The following FAM193A variants were observed in gnomAD, a reference collection of about 807,000 sequenced individuals.
FAM193A encodes the protein protein FAM193A.
FAM193A carries 22 observed loss-of-function variants against 126.5 expected under a neutral mutation model. The observed-to-expected ratio is 0.17, with a 90% confidence interval of 0.12 to 0.25. The LOEUF is 0.25. Among genes scored for constraint, FAM193A ranks in the 10% least tolerant of loss-of-function variants. The probability of loss-of-function intolerance (pLI) is 1.00; values close to 1 mark genes in which losing one functional copy is unlikely to be tolerated. For synonymous variants in FAM193A, 761 were observed against 646.8 expected (o/e 1.18, Z -2.68); for missense variants, 1,675 against 1,672.8 (o/e 1.00, Z -0.02).
intron 1 of FAM193A, among the ~76,000 whole-genome samples, chr4:2,574,784 AAAAG>A (rs1739491256): frequency 6.6e-6 from 1 of 152,230 alleles, no homozygotes; most frequent in African/African-American, 2.4e-5. Context: ...AAATTAATTA[AAAAG>A]AAACATTTAA....
intron 1 of FAM193A, among the ~76,000 whole-genome samples, chr4:2,570,941 C>CGAAG (rs1389363191): frequency 6.6e-6 from 1 of 152,192 alleles, no homozygotes; most frequent in African/African-American, 2.4e-5. Flanking sequence ...CCGTACACTT[C>CGAAG]CTCCCCTACC....
At position 2,590,497 on chromosome 4, in the gene FAM193A, A is replaced by C. The variant is rs1247977944; in HGVS notation, c.256-5587A>C. On this transcript the variant is annotated intron_variant, in intron 1 of 20. Transcript: ENST00000637812. The stretch of plus-strand genomic sequence containing the variant: ...AAAACAAAAAAAAACAAAAAAAAAC[A>C]AAAAAAAACAAAAAAAAAACAAAAC... 1.3e-4 allele frequency among the ~76,000 whole-genome samples: 10 copies of C among 76,144 alleles called. 2 individuals are homozygous for C. Among genetic ancestry groups the C allele is most frequent in the Non-Finnish European group, 2.5e-4 (10 of 40,328 alleles). 50.0% of individuals were successfully genotyped at this position (76,144 alleles called of 152,430 possible). A position where few individuals can be genotyped will look rare whatever the true frequency, so the allele number is the denominator to read the frequency against.
At chr4:2,603,209 G>A (rs1741315668) in intron 2 of FAM193A, among the ~76,000 whole-genome samples, 1 of 149,460 alleles carries the variant, frequency 6.7e-6, no homozygotes, top group Non-Finnish European at 1.5e-5. Flanking sequence ...TAGCCAGGAT[G>A]GTCTCAGTCT....
At chr4:2,547,329 G>T (rs1216474249) in intron 1 of FAM193A, among the ~76,000 whole-genome samples, 1 of 152,090 alleles carries the variant, frequency 6.6e-6, no homozygotes, top group Non-Finnish European at 1.5e-5. Flanking sequence ...GGAGGTGAAG[G>T]TTGCTATGAG....
chr4:2,661,218 A>T (rs1315883506), intron 10 of FAM193A, among the ~76,000 whole-genome samples: 1 of 152,200 alleles, frequency 6.6e-6, no homozygotes, highest in African/African-American at 2.4e-5. Context: ...CTGGGCCTTC[A>T]GCAGCTTGTG....
intron 13 of FAM193A, among the ~76,000 whole-genome samples, chr4:2,680,832 G>A (rs989318114): frequency 1.3e-5 from 2 of 151,776 alleles, no homozygotes; most frequent in African/African-American, 4.8e-5. Flanking sequence ...GGTAGAGATG[G>A]GGTTTCACCA....
At chr4:2,545,950 C>A (rs1009879878) in intron 1 of FAM193A, among the ~76,000 whole-genome samples, 1 of 152,084 alleles carries the variant, frequency 6.6e-6, no homozygotes, top group Non-Finnish European at 1.5e-5. Flanking sequence ...GAGTTTGAGA[C>A]CAGCCTGACC....
chr4:2,556,473 G>C (rs1470994378), intron 1 of FAM193A, among the ~76,000 whole-genome samples: 1 of 152,090 alleles, frequency 6.6e-6, no homozygotes, highest in East Asian at 1.9e-4. Flanking sequence ...CAAAGTGCTG[G>C]GATTACAGGC....
chr4:2,602,119 G>A (rs929698146), intron 2 of FAM193A, among the ~76,000 whole-genome samples: 19 of 152,104 alleles, frequency 1.2e-4, no homozygotes, highest in African/African-American at 3.6e-4. Context: ...GTTGACAGGC[G>A]TGAGCCACTG....
Position 2,730,263 on chromosome 4 carries a change from T to A in FAM193A, c.4455-1512T>A, listed in dbSNP as rs542512091. On this transcript the variant is annotated intron_variant, in intron 20 of 20. Coordinates refer to ENST00000637812, the MANE Select transcript of FAM193A (RefSeq NM_001366318.2). ...AAGGAAAAACCAAGAAACAAGAATG[T>A]TGACTATTTGCCTGGCTAAGACCTG... 3.1e-4 allele frequency among the ~76,000 whole-genome samples: 47 copies of A among 152,302 alleles called. No homozygotes were observed. The South Asian group carries it at 9.5e-3, about 31-fold the overall frequency.
At chr4:2,719,291 C>G (rs560394631) in intron 20 of FAM193A, among the ~76,000 whole-genome samples, 3 of 152,228 alleles carry the variant, frequency 2.0e-5, no homozygotes, top group Admixed American at 1.3e-4. Flanking sequence ...ATCTGGGCAA[C>G]TAGAGCAAGA....
intron 1 of FAM193A, among the ~76,000 whole-genome samples, chr4:2,546,364 A>G (rs539177579): frequency 4.6e-5 from 7 of 152,166 alleles, no homozygotes; most frequent in Non-Finnish European, 8.8e-5. Context: ...TACTACCACA[A>G]TCAGGATACA....
chr4:2,699,442 C>G (rs1046610435), intron 18 of FAM193A, among the ~76,000 whole-genome samples: 1 of 85,522 alleles, frequency 1.2e-5, no homozygotes, highest in Non-Finnish European at 2.6e-5. Context: ...TACCACCCCC[C>G]CCCCCACACA....
intron 1 of FAM193A, among the ~76,000 whole-genome samples, chr4:2,575,746 G>A (rs1022783765): frequency 6.6e-6 from 1 of 151,988 alleles, no homozygotes; most frequent in African/African-American, 2.4e-5. Context: ...GATTACAGAC[G>A]TGAGCCATCG....
At chr4:2,601,842 A>T (rs964770976) in intron 2 of FAM193A, among the ~76,000 whole-genome samples, 2 of 150,004 alleles carry the variant, frequency 1.3e-5, no homozygotes, top group East Asian at 3.9e-4. Context: ...GTTGCTTTTT[A>T]TTATTATTAT....
At chr4:2,650,834 C>G (rs1009854875) in intron 7 of FAM193A, among the ~76,000 whole-genome samples, 3 of 152,186 alleles carry the variant, frequency 2.0e-5, no homozygotes, top group African/African-American at 7.2e-5. Flanking sequence ...GCATGGATAG[C>G]CGCCCACGGT....
chr4:2,655,227 CT>C lies in FAM193A; in HGVS notation c.1312-2575del, dbSNP rs1711535374. On this transcript the variant is annotated intron_variant, in intron 7 of 20. Transcript: ENST00000637812. Reference sequence around the variant, plus strand: ...TACCTTTATTTCTAGTTGATTTAGGCTATCATTTAAAAAATAAAACAGGAAG... The same window carrying C: ...TACCTTTATTTCTAGTTGATTTAGGCATCATTTAAAAAATAAAACAGGAAG... 2.2e-5 allele frequency: 11 copies of C among 497,534 alleles called. No homozygotes were observed. In the South Asian group the frequency reaches 4.0e-4, roughly 18 times the overall value. 30.8% of individuals were successfully genotyped at this position (497,534 alleles called of 1,614,324 possible). A position where few individuals can be genotyped will look rare whatever the true frequency, so the allele number is the denominator to read the frequency against.
chr4:2,622,121 G>A (rs929115503), intron 2 of FAM193A, among the ~76,000 whole-genome samples: 4 of 152,182 alleles, frequency 2.6e-5, no homozygotes, highest in African/African-American at 9.6e-5. Flanking sequence ...GCCAGGTGTG[G>A]TGGCGCATGC....
intron 5 of FAM193A, among the ~76,000 whole-genome samples, chr4:2,634,715 C>T (rs574495311): frequency 5.3e-5 from 8 of 152,190 alleles, no homozygotes; most frequent in Non-Finnish European, 7.4e-5. Flanking sequence ...AGCAAGGAAA[C>T]GTATCAGATT....
Sources: allele counts gnomAD v4.1 joint callset (sites outside exome capture counted in the v4.1 genomes callset), GRCh38; gene constraint gnomAD v4.1.1; transcripts MANE v1.5; gene names NCBI Gene and HGNC (gene_info 2026-07-23, HGNC 2026-07-21).